Variants in ATP10A observed in about 807,000 individuals in gnomAD.
ATP10A encodes phospholipid-transporting ATPase VA.
In ATP10A, 111 loss-of-function variants were observed where a neutral mutation model predicts 147.8. The ratio of observed to expected loss-of-function variants is 0.75; its 90% CI spans 0.64 to 0.88. The LOEUF (loss-of-function observed/expected upper bound fraction) is 0.88, where lower values mean the gene tolerates loss of function less well. ATP10A is among the 40% of genes least tolerant of loss of function. The probability of loss-of-function intolerance (pLI) is 0.00; values close to 1 mark genes in which losing one functional copy is unlikely to be tolerated. For missense variants in ATP10A, 1,927 were observed against 1,959.0 expected (o/e 0.98, Z 0.31); for synonymous variants, 875 against 841.6 (o/e 1.04, Z -0.69).
intron 1 of ATP10A, among the ~76,000 whole-genome samples, chr15:25,840,773 G>T (rs977459831): frequency 3.9e-5 from 6 of 152,050 alleles, no homozygotes; most frequent in African/African-American, 1.4e-4. Context: ...CAGCAACGTA[G>T]GAGAGATCCC....
intron 1 of ATP10A, among the ~76,000 whole-genome samples, chr15:25,860,136 C>A (rs886299422): frequency 6.6e-6 from 1 of 152,162 alleles, no homozygotes; most frequent in African/African-American, 2.4e-5. Flanking sequence ...GTCCTGAGAG[C>A]CAGGGCTTCA....
intron 3 of ATP10A, among the ~76,000 whole-genome samples, chr15:25,735,006 G>A (rs1300113926): frequency 5.7e-4 from 4 of 7,070 alleles, no homozygotes; most frequent in African/African-American, 1.3e-3. Context: ...GTGGGAGCGG[G>A]GGGGGGGTGG....
chr15:25,734,340 C>A (rs987053904), intron 3 of ATP10A, among the ~76,000 whole-genome samples: 9 of 152,154 alleles, frequency 5.9e-5, no homozygotes, highest in African/African-American at 1.9e-4. Flanking sequence ...GAAAGTCGGC[C>A]CCTTATTTAT....
chr15:25,812,323 T>A (rs1891469519), intron 1 of ATP10A, among the ~76,000 whole-genome samples: 1 of 152,238 alleles, frequency 6.6e-6, no homozygotes, highest in Non-Finnish European at 1.5e-5. Context: ...TTGGATATCA[T>A]GACCTGTACT....
intron 1 of ATP10A, among the ~76,000 whole-genome samples, chr15:25,784,962 G>T (rs985409976): frequency 6.6e-6 from 1 of 151,624 alleles, no homozygotes; most frequent in African/African-American, 2.4e-5. Context: ...TGCAGTCCAT[G>T]GGAATCCCTA....
chr15:25,711,503 G>A (rs561235346), intron 10 of ATP10A, among the ~76,000 whole-genome samples: 1 of 152,206 alleles, frequency 6.6e-6, no homozygotes, highest in East Asian at 1.9e-4. Context: ...TCGTTCTCTT[G>A]GGAAACTGCT....
At position 25,786,008 on chromosome 15, in the gene ATP10A, T is replaced by A. The variant is rs575068397; in HGVS notation, c.450-4785A>T. Among the ~76,000 whole-genome samples, 17 of 151,986 alleles carry A rather than the reference T, an allele frequency of 1.1e-4. No individual in the cohort carries two copies. In the East Asian group the frequency reaches 3.1e-3, roughly 28 times the overall value. ...AGATGGAGACAGAAATATTTGGGGGTCTTAAGCACAGAGGTGACAGCAGCC... is the reference window on the plus strand; with the variant it reads ...AGATGGAGACAGAAATATTTGGGGGACTTAAGCACAGAGGTGACAGCAGCC... On this transcript the variant is annotated intron_variant, in intron 1 of 20. Coordinates refer to ENST00000555815, the MANE Select transcript of ATP10A (RefSeq NM_024490.4).
At chr15:25,691,514 C>T (rs774950958) in intron 15 of ATP10A, among the ~76,000 whole-genome samples, 14 of 152,204 alleles carry the variant, frequency 9.2e-5, no homozygotes, top group East Asian at 1.9e-4. Context: ...TTGCACACTG[C>T]TTCATAAACA....
chr15:25,718,719 A>G (rs1045462620), intron 7 of ATP10A, among the ~76,000 whole-genome samples: 1 of 152,210 alleles, frequency 6.6e-6, no homozygotes, highest in South Asian at 2.1e-4. Context: ...CTAGGTGTAC[A>G]TGGGGTAGGG....
intron 1 of ATP10A, among the ~76,000 whole-genome samples, chr15:25,853,197 G>A (rs985583275): frequency 2.6e-5 from 4 of 152,194 alleles, no homozygotes; most frequent in African/African-American, 9.7e-5. Flanking sequence ...TAGAAAGTCA[G>A]GCTAAGAGTC....
chr15:25,721,525 A>T (rs1902225047), intron 7 of ATP10A, 132 bp downstream of exon 7: 1 of 1,268,260 alleles, frequency 7.9e-7, no homozygotes, highest in South Asian at 1.5e-5. Context: ...CTCCCTTGAA[A>T]ATCAGTAATC....
chr15:25,715,438 G>A (rs920113415), intron 9 of ATP10A, among the ~76,000 whole-genome samples: 4 of 152,236 alleles, frequency 2.6e-5, no homozygotes, highest in South Asian at 2.1e-4. Flanking sequence ...AACTCAAGCC[G>A]TGTAACCTTC....
chr15:25,708,298 C>G lies in ATP10A; in HGVS notation c.2347G>C (p.Asp783His). ...MDLLQPCSSV[D>H]ARGRHQKKIR... is the part of the protein sequence containing the mutation. ...TTTTTTTGATGCCTCCCTCTGGCGT[C>G]AACTAGGTTGGAGAATAAGCAGAAA... is the stretch of plus-strand genomic sequence containing the variant. The change falls in exon 11 of 21, where the codon GAC (aspartate) becomes CAC (histidine). Residue 783 changes from aspartate (D) to histidine (H), a missense_variant and splice_region_variant. Physicochemically the swap from Asp to His is moderately conservative, Grantham distance 81 (BLOSUM62 -1). Coordinates refer to ENST00000555815, the MANE Select transcript of ATP10A (RefSeq NM_024490.4). 6.2e-7 allele frequency: 1 copy of G among 1,613,754 alleles called. No homozygotes were observed. Among genetic ancestry groups the G allele is most frequent in the Non-Finnish European group, 8.5e-7 (1 of 1,179,656 alleles).
chr15:25,810,962 T>A (rs541684648), intron 1 of ATP10A, among the ~76,000 whole-genome samples: 1 of 152,268 alleles, frequency 6.6e-6, no homozygotes, highest in East Asian at 1.9e-4. Context: ...AGCAGAAGCC[T>A]AGCTTTACAT....
At chr15:25,676,451 G>C (rs550532045), downstream of ATP10A, among the ~76,000 whole-genome samples, 103 of 152,286 alleles carry the variant, frequency 6.8e-4, no homozygotes, top group African/African-American at 2.3e-3. Context: ...CTTACAGCTG[G>C]GGCCTGCATT....
At chr15:25,819,127 AG>A (rs1197379211) in intron 1 of ATP10A, among the ~76,000 whole-genome samples, 1 of 152,212 alleles carries the variant, frequency 6.6e-6, no homozygotes. Context: ...AATAATCAAC[AG>A]AGTGAATAGA....
At chr15:25,829,804 G>A (rs927498840) in intron 1 of ATP10A, among the ~76,000 whole-genome samples, 1 of 152,134 alleles carries the variant, frequency 6.6e-6, no homozygotes, top group East Asian at 1.9e-4. Flanking sequence ...GAGAGTGAGG[G>A]TACGGGGGAG....
Position 25,781,226 on chromosome 15 carries a change from A to G in ATP10A, c.450-3T>C. The G allele has an allele frequency of 6.2e-7, 1 of 1,610,158 alleles. No homozygotes were observed. The highest frequency in any genetic ancestry group is 8.5e-7 in the Non-Finnish European group (1 of 1,177,858). On this transcript the variant is annotated splice_polypyrimidine_tract_variant and splice_region_variant and intron_variant, in intron 1 of 20. Transcript: ENST00000555815. Reference sequence around the variant, plus strand: ...GGTTCACGTATTTCTTTTCTTCCCTAGAAAACAGATTTTGATTAACAAAAC... The same window carrying G: ...GGTTCACGTATTTCTTTTCTTCCCTGGAAAACAGATTTTGATTAACAAAAC...
intron 10 of ATP10A, 109 bp from the exon 11 acceptor site, chr15:25,708,409 C>A (rs889268357): frequency 1.1e-5 from 10 of 883,560 alleles, no homozygotes; most frequent in Non-Finnish European, 1.8e-5. Flanking sequence ...GAATAGAGCA[C>A]AAATTTTCAT....
Sources: gnomAD v4.1 joint callset for allele counts (sites outside exome capture counted in the v4.1 genomes callset) on GRCh38, gnomAD v4.1.1 for gene constraint, MANE v1.5 for transcripts, NCBI Gene and HGNC (gene_info 2026-07-23, HGNC 2026-07-21) for gene names.